The following MTMR3 variants were observed in gnomAD, a reference collection of about 807,000 sequenced individuals.
The protein encoded by MTMR3 is phosphatidylinositol-3,5-bisphosphate 3-phosphatase MTMR3.
Under a neutral mutation model 132.4 loss-of-function variants are expected in MTMR3, and 32 were observed. The ratio of observed to expected loss-of-function variants is 0.24; its 90% CI spans 0.18 to 0.32. The LOEUF (loss-of-function observed/expected upper bound fraction) is 0.32, where lower values mean the gene tolerates loss of function less well. Ranked by LOEUF, MTMR3 falls within the 10% of genes least tolerant of loss-of-function variation. The pLI is 1.00. For missense variants in MTMR3, 1,216 were observed against 1,489.6 expected (o/e 0.82, Z 3.02); for synonymous variants, 556 against 550.3 (o/e 1.01, Z -0.14).
At chr22:29,893,982 A>G (rs1284108908) in intron 1 of MTMR3, among the ~76,000 whole-genome samples, 1 of 152,006 alleles carries the variant, frequency 6.6e-6, no homozygotes, top group East Asian at 1.9e-4. Context: ...AGTAGCTGAG[A>G]CTACAGGCAG....
At chr22:29,929,046 A>C (rs1378973889) in intron 1 of MTMR3, among the ~76,000 whole-genome samples, 1 of 152,062 alleles carries the variant, frequency 6.6e-6, no homozygotes, top group African/African-American at 2.4e-5. Context: ...TTGGGAGGCC[A>C]AGATAGGTGG....
rs566860968 is a variant in MTMR3 at position 30,013,155 on chromosome 22, A to G, written c.1318-201A>G. The G allele has an allele frequency of 6.7e-6, 3 of 444,554 alleles. No homozygotes were observed. The South Asian group carries it at 1.3e-4, about 20-fold the overall frequency. 27.5% of individuals were successfully genotyped at this position (444,554 alleles called of 1,614,324 possible). ...AAACGCAGTCAGTACCATTTTAGTGATCATGGAATGGAGTTCAGGGAATTG... is the reference window on the plus strand; with the variant it reads ...AAACGCAGTCAGTACCATTTTAGTGGTCATGGAATGGAGTTCAGGGAATTG... On this transcript the variant is annotated intron_variant, in intron 13 of 19. Coordinates refer to ENST00000401950, the MANE Select transcript of MTMR3 (RefSeq NM_021090.4).
At chr22:29,992,512 A>G (rs766996540) in intron 7 of MTMR3, 2 of 152,034 alleles carry the variant, frequency 1.3e-5, no homozygotes, top group Non-Finnish European at 1.5e-5. Context: ...GGCTTTGACC[A>G]TGTTATTTCT....
chr22:29,999,040 G>A, intron 8 of MTMR3, 183 bp downstream of exon 8: 1 of 426,154 alleles, frequency 2.3e-6, no homozygotes, highest in African/African-American at 2.1e-5. Flanking sequence ...TCATTGGAGT[G>A]GAAAGTGATC....
intron 1 of MTMR3, among the ~76,000 whole-genome samples, chr22:29,910,571 A>G (rs968887756): frequency 1.3e-5 from 2 of 152,218 alleles, no homozygotes; most frequent in Non-Finnish European, 1.5e-5. Flanking sequence ...TGTGGCGACT[A>G]TATGATAACC....
At chr22:30,017,823 C>A (rs2067635808) in intron 15 of MTMR3, 104 bp from the exon 16 acceptor site, 2 of 1,422,216 alleles carry the variant, frequency 1.4e-6, no homozygotes, top group Non-Finnish European at 2.0e-6. Flanking sequence ...TCCTGTCAGC[C>A]CTGTTGGGTA....
At chr22:29,972,661 A>G (rs1478502187) in intron 3 of MTMR3, among the ~76,000 whole-genome samples, 1 of 152,044 alleles carries the variant, frequency 6.6e-6, no homozygotes, top group Admixed American at 6.6e-5. Context: ...ACCTCCACCT[A>G]CTGGGTTCAA....
intron 12 of MTMR3, 145 bp from the exon 13 acceptor site, chr22:30,012,223 T>C: frequency 1.2e-6 from 1 of 807,432 alleles, no homozygotes; most frequent in Non-Finnish European, 1.9e-6. Flanking sequence ...ACATGCTTTA[T>C]AAACACACAG....
rs748475111 is a variant in MTMR3, at chr22:30,020,823, G to T, written c.3164G>T (p.Arg1055Leu). Residue 1055 changes from arginine to leucine, a missense_variant, in exon 17 of 20, where the codon CGC (arginine) becomes CTC (leucine). This residue lies in a region of MTMR3 where 852 missense variants were observed against 852.0 expected (regional missense o/e 1.00). Transcript: ENST00000401950. ...AAACAAGTCCAGGAGCTGAAGAGTC[G>T]CCTGGAGAGCCAGTACCTGACCAGC... ...LKKQVQELKS[R>L]LESQYLTSSL... 2 of 1,610,592 alleles carry T rather than the reference G, an allele frequency of 1.2e-6. No individual in the cohort carries two copies. The highest frequency in any genetic ancestry group is 1.3e-5 in the African/African-American group (1 of 74,896).
At position 29,891,356 on chromosome 22, in the gene MTMR3, G is replaced by T. The variant is rs145799635; in HGVS notation, c.-138+7997G>T. On this transcript the variant is annotated intron_variant, in intron 1 of 19. Coordinates refer to ENST00000401950, the MANE Select transcript of MTMR3 (RefSeq NM_021090.4). ...GTGTGTGTATATATTTAATATATAT[G>T]TGTATACATTGTATATGTGTATACA... is the stretch of plus-strand genomic sequence containing the variant. Among the ~76,000 whole-genome samples, 792 of 149,682 alleles carry T rather than the reference G, an allele frequency of 5.3e-3. 6 individuals are homozygous for T. The highest frequency in any genetic ancestry group is 0.018 in the African/African-American group (739 of 41,032).
At position 29,963,097 on chromosome 22, in the gene MTMR3, T is replaced by A. The variant is rs150341748; in HGVS notation, c.-85+6009T>A. Among the ~76,000 whole-genome samples, 514 of 152,016 alleles carry A rather than the reference T, an allele frequency of 3.4e-3. 3 individuals carry two copies. Among genetic ancestry groups the A allele is most frequent in the African/African-American group, 0.011 (473 of 41,466 alleles). On this transcript the variant is annotated intron_variant, in intron 2 of 19. Transcript: ENST00000401950. ...CAGCACGTCCAGCTAGTTTTTGTAT[T>A]TTTTATCTTTTTTTCTTTTATTATT...
intron 1 of MTMR3, among the ~76,000 whole-genome samples, chr22:29,897,503 T>TG (rs1158679576): frequency 6.6e-6 from 1 of 152,182 alleles, no homozygotes; most frequent in East Asian, 1.9e-4. Context: ...CCCATACTGA[T>TG]GTGCAGTGGC....
chr22:29,885,036 C>T lies in MTMR3; in HGVS notation c.-138+1677C>T, dbSNP rs1292514266. Among the ~76,000 whole-genome samples the T allele has an allele frequency of 2.6e-5, 4 of 152,266 alleles. No individual in the cohort carries two copies. In the East Asian group the frequency reaches 7.7e-4, roughly 29 times the overall value. On this transcript the variant is annotated intron_variant, in intron 1 of 19. Transcript: ENST00000401950. ...TGACCAGCACAGTGGTACAGCCCCGCTTGTCGTTAATGACCAGCCATAAAA... is the reference window on the plus strand; with the variant it reads ...TGACCAGCACAGTGGTACAGCCCCGTTTGTCGTTAATGACCAGCCATAAAA...
At chr22:30,005,401 C>G (rs1266492504) in intron 9 of MTMR3, 1 of 152,150 alleles carries the variant, frequency 6.6e-6, no homozygotes, top group Non-Finnish European at 1.5e-5. Context: ...ACCCAAGATC[C>G]AGGCTGAAGA....
intron 5 of MTMR3, chr22:29,980,368 G>C (rs1349737199): frequency 6.6e-6 from 1 of 152,134 alleles, no homozygotes; most frequent in East Asian, 1.9e-4. Flanking sequence ...CTGTCTATCA[G>C]CTAAAGATAC....
At chr22:29,922,384 A>AT (rs1313107706) in intron 1 of MTMR3, among the ~76,000 whole-genome samples, 1 of 152,108 alleles carries the variant, frequency 6.6e-6, no homozygotes, top group Non-Finnish European at 1.5e-5. Flanking sequence ...TTGTTTATCC[A>AT]TTTATCTGTT....
intron 17 of MTMR3, chr22:30,021,098 G>C (rs1021097281): frequency 3.4e-6 from 2 of 585,502 alleles, no homozygotes; most frequent in Admixed American, 3.0e-5. Context: ...CAGATGTCCT[G>C]TTGAGGCCGT....
At chr22:29,954,973 T>C (rs940899052) in intron 1 of MTMR3, among the ~76,000 whole-genome samples, 9 of 152,198 alleles carry the variant, frequency 5.9e-5, no homozygotes, top group Admixed American at 1.3e-4. Context: ...TTCCTTTTTT[T>C]CCATTATTTT....
intron 1 of MTMR3, among the ~76,000 whole-genome samples, chr22:29,944,238 T>C (rs1569017054): frequency 6.6e-6 from 1 of 151,606 alleles, no homozygotes; most frequent in Non-Finnish European, 1.5e-5. Context: ...AAAGTAATTG[T>C]GGTTTTTGCC....
Sources: gnomAD v4.1 joint callset for allele counts (sites outside exome capture counted in the v4.1 genomes callset) on GRCh38, gnomAD v4.1.1 for gene constraint, gnomAD v4.1.1 regional missense constraint, MANE v1.5 for transcripts, NCBI Gene and HGNC (gene_info 2026-07-23, HGNC 2026-07-21) for gene names.